Variants in ASAP2 observed in about 807,000 individuals in gnomAD.
The protein encoded by ASAP2 is arf-GAP with SH3 domain, ANK repeat and PH domain-containing protein 2.
Under a neutral mutation model 131.4 loss-of-function variants are expected in ASAP2, and 45 were observed. The ratio of observed to expected loss-of-function variants is 0.34; its 90% CI spans 0.27 to 0.44. The LOEUF is 0.44. Ranked by LOEUF, ASAP2 falls within the 20% of genes least tolerant of loss-of-function variation. The pLI is 1.00. For synonymous variants in ASAP2, 510 were observed against 503.0 expected, an observed-to-expected ratio of 1.01 and a Z score of -0.19; for missense variants, 1,011 against 1,297.0, an observed-to-expected ratio of 0.78 and a Z score of 3.39.
chr2:9,207,816 C>T lies in ASAP2; in HGVS notation c.126+586C>T, dbSNP rs1661234933. 6.6e-6 allele frequency among the ~76,000 whole-genome samples: 1 copy of T among 152,074 alleles called. No individual in the cohort carries two copies. Among genetic ancestry groups the T allele is most frequent in the African/African-American group, 2.4e-5 (1 of 41,428 alleles). ...CGGGCAAGGTGTGTGAGAGTCGGCG[C>T]TTCTGGGTCCAAGAAGCCTCCAGGA... On this transcript the variant is annotated intron_variant, in intron 1 of 27. Transcript: ENST00000281419. The surrounding 1 kb of genome is among the most constrained non-coding windows in gnomAD (Gnocchi z 4.1).
intron 3 of ASAP2, among the ~76,000 whole-genome samples, chr2:9,298,518 C>A (rs1207781670): frequency 7.9e-5 from 12 of 152,246 alleles, no homozygotes; most frequent in African/African-American, 1.4e-4. Context: ...TCCCCTGGGG[C>A]TTTGGTCAAG....
chr2:9,381,738 A>C (rs1397609592), intron 20 of ASAP2, among the ~76,000 whole-genome samples: 2 of 152,134 alleles, frequency 1.3e-5, no homozygotes, highest in Non-Finnish European at 2.9e-5. Context: ...CGCCATCTCC[A>C]CAAAAACGTT....
rs564540444 is a variant in ASAP2 at position 9,235,132 on chromosome 2, C to G, written c.126+27902C>G. ...ATATGCCAACTGGAGCTTTTCCTGT[C>G]CTGTTGTAGGCGGGGATCTGTGTGT... On this transcript the variant is annotated intron_variant, in intron 1 of 27. Transcript: ENST00000281419. 2.0e-5 allele frequency among the ~76,000 whole-genome samples: 3 copies of G among 152,212 alleles called. No individual in the cohort carries two copies. In the East Asian group the frequency reaches 5.8e-4, roughly 29 times the overall value.
In ASAP2 at chr2:9,380,821, C is replaced by T. The variant is rs747139980; in HGVS notation, c.2016+13C>T. The T allele has an allele frequency of 1.7e-5, 27 of 1,613,340 alleles. No individual in the cohort carries two copies. The highest frequency in any genetic ancestry group is 2.3e-5 in the Non-Finnish European group (27 of 1,179,740). ...CTGTGAGGAGCTGGTGAGTCTCCCA[C>T]CACAAGGACGGGGTGGGGCACCTGT... is the stretch of plus-strand genomic sequence containing the variant. On this transcript the variant is annotated intron_variant, in intron 20 of 27. Transcript: ENST00000281419.
intron 20 of ASAP2, 70 bp downstream of exon 20, chr2:9,380,878 G>A: frequency 6.6e-7 from 1 of 1,512,218 alleles, no homozygotes. Flanking sequence ...TGTCCTCCTT[G>A]GGCAGGGTTT....
At chr2:9,278,290 A>G (rs528939818) in intron 1 of ASAP2, among the ~76,000 whole-genome samples, 1 of 152,226 alleles carries the variant, frequency 6.6e-6, no homozygotes, top group East Asian at 1.9e-4. Flanking sequence ...AGGCAGGTGG[A>G]TCCCCTGAGG....
intron 24 of ASAP2, among the ~76,000 whole-genome samples, chr2:9,395,051 G>T (rs1249266714): frequency 6.6e-6 from 1 of 152,160 alleles, no homozygotes; most frequent in African/African-American, 2.4e-5. Flanking sequence ...CCCAGAGAGA[G>T]GCCTGGCCCT....
intron 17 of ASAP2, 132 bp downstream of exon 17, chr2:9,375,076 C>T: frequency 1.6e-6 from 1 of 635,314 alleles, no homozygotes; most frequent in Non-Finnish European, 2.4e-6. Context: ...TTGAGATCAG[C>T]CTGGGCACCA....
intron 1 of ASAP2, among the ~76,000 whole-genome samples, chr2:9,267,894 T>C (rs1265505997): frequency 3.5e-4 from 28 of 80,856 alleles, no homozygotes; most frequent in African/African-American, 2.1e-3. Context: ...CAAGACTCTA[T>C]CTCAAAAAAA....
intron 1 of ASAP2, among the ~76,000 whole-genome samples, chr2:9,214,536 G>A (rs75834907): frequency 1.7e-4 from 26 of 151,924 alleles, no homozygotes; most frequent in East Asian, 3.9e-4. Context: ...CGCTGCGCCC[G>A]GCTGCCTTTC....
At chr2:9,293,964 A>AT (rs1384162489) in intron 2 of ASAP2, among the ~76,000 whole-genome samples, 1 of 151,956 alleles carries the variant, frequency 6.6e-6, no homozygotes, top group African/African-American at 2.4e-5. Flanking sequence ...CTGGGGATCA[A>AT]TACATCGTTT....
intron 1 of ASAP2, among the ~76,000 whole-genome samples, chr2:9,278,676 G>A (rs57358804): frequency 0.036 from 5,480 of 152,224 alleles, 230 homozygotes; most frequent in African/African-American, 0.096. Context: ...CAACTGCCGT[G>A]TAGTAGCTGG....
chr2:9,305,813 A>G (rs1333854203), intron 3 of ASAP2, among the ~76,000 whole-genome samples: 1 of 146,052 alleles, frequency 6.8e-6, no homozygotes, highest in Non-Finnish European at 1.5e-5. Flanking sequence ...GTAGTGACGT[A>G]TAGATATTGG....
At chr2:9,321,423 C>A (rs983426172) in intron 5 of ASAP2, among the ~76,000 whole-genome samples, 26 of 152,186 alleles carry the variant, frequency 1.7e-4, no homozygotes, top group African/African-American at 6.3e-4. Context: ...CCCTGCAGGT[C>A]CATTCAGCCC....
intron 1 of ASAP2, among the ~76,000 whole-genome samples, chr2:9,251,001 A>G (rs1268319172): frequency 6.6e-6 from 1 of 152,222 alleles, no homozygotes; most frequent in Non-Finnish European, 1.5e-5. Flanking sequence ...CAGGCTCACC[A>G]AGGAGGTGGC....
At position 9,356,241 on chromosome 2, in the gene ASAP2, A is replaced by G; in HGVS notation, c.1223A>G (p.Asp408Gly). The change falls in exon 14 of 28, where the codon GAC becomes GGC. Residue 408 changes from aspartate to glycine, a missense_variant. Transcript: ENST00000281419. Reference sequence around the variant, plus strand: ...TTAAACAATGCATTTAAGGGGGATGACAATACTGGAGAAAATAACATCGTC... The same window carrying G: ...TTAAACAATGCATTTAAGGGGGATGGCAATACTGGAGAAAATAACATCGTC... ...EALNNAFKGD[D>G]NTGENNIVQE... The G allele has an allele frequency of 1.2e-6, 2 of 1,614,184 alleles. No homozygotes were observed. The highest frequency in any genetic ancestry group is 1.6e-4 in the Middle Eastern group (1 of 6,062).
At chr2:9,325,865 G>C (rs1670444716) in intron 6 of ASAP2, among the ~76,000 whole-genome samples, 1 of 152,246 alleles carries the variant, frequency 6.6e-6, no homozygotes, top group South Asian at 2.1e-4. Context: ...ATGTTTCACA[G>C]TTGAGTGAGA....
intron 21 of ASAP2, among the ~76,000 whole-genome samples, 164 bp downstream of exon 21, chr2:9,385,522 C>T (rs761000085): frequency 5.3e-5 from 8 of 152,212 alleles, no homozygotes; most frequent in Non-Finnish European, 8.8e-5. Flanking sequence ...ACCCTTCCCA[C>T]TACCATCTCC....
chr2:9,326,286 G>A (rs529877459), intron 6 of ASAP2, among the ~76,000 whole-genome samples: 36 of 152,288 alleles, frequency 2.4e-4, no homozygotes, highest in African/African-American at 8.7e-4. Flanking sequence ...CCAAACTGAA[G>A]TTCTCAAGCT....
Sources: gnomAD v4.1 joint callset for allele counts (sites outside exome capture counted in the v4.1 genomes callset) on GRCh38, gnomAD v4.1.1 for gene constraint, Gnocchi (gnomAD v3.1) non-coding constraint, MANE v1.5 for transcripts, NCBI Gene and HGNC (gene_info 2026-07-23, HGNC 2026-07-21) for gene names.